The following HSD17B12 variants were observed in gnomAD, a reference collection of about 807,000 sequenced individuals.
HSD17B12 encodes hydroxysteroid 17-beta dehydrogenase 12, also known as very-long-chain 3-oxoacyl-CoA reductase.
Under a neutral mutation model 39.3 loss-of-function variants are expected in HSD17B12, and 32 were observed. The observed-to-expected ratio is 0.81, with a 90% CI of 0.61 to 1.09. The LOEUF (loss-of-function observed/expected upper bound fraction) is 1.09. Ranked by LOEUF, HSD17B12 falls within the 50% of genes least tolerant of loss-of-function variation. The pLI is 0.00. For missense variants in HSD17B12, 342 were observed against 382.9 expected, an observed-to-expected ratio of 0.89 and a Z score of 0.89; for synonymous variants, 150 against 146.7, an observed-to-expected ratio of 1.02 and a Z score of -0.16.
the HSD17B12 span, among the ~76,000 whole-genome samples, chr11:43,568,012 A>G: frequency 6.6e-6 from 1 of 152,216 alleles, no homozygotes; most frequent in Non-Finnish European, 1.5e-5. Flanking sequence ...ATCACCTAAT[A>G]TAAAGAGGCT....
At chr11:43,825,522 C>T (rs1194645659) in intron 6 of HSD17B12, among the ~76,000 whole-genome samples, 1 of 152,138 alleles carries the variant, frequency 6.6e-6, no homozygotes, top group Non-Finnish European at 1.5e-5. Flanking sequence ...AGAATGCATC[C>T]GGGCACCCTG....
intron 3 of HSD17B12, among the ~76,000 whole-genome samples, chr11:43,793,629 C>A (rs1950889530): frequency 6.6e-6 from 1 of 152,154 alleles, no homozygotes; most frequent in South Asian, 2.1e-4. Flanking sequence ...ATATTTATCA[C>A]CTTTCTTGGC....
At chr11:43,675,265 T>C in the HSD17B12 span, among the ~76,000 whole-genome samples, 1 of 152,172 alleles carries the variant, frequency 6.6e-6, no homozygotes, top group Non-Finnish European at 1.5e-5. Flanking sequence ...GATAAAGCTA[T>C]TTGGGAAAGT....
In HSD17B12 at chr11:43,815,506, GTC is replaced by G. The variant is rs1245307743; in HGVS notation, c.456+7_456+8del. ...GATGTTCCTGACTTGGACAATGTAA[GTC>G]TTTCTTTGTGTATTATGGTAACAAA... On this transcript the variant is annotated splice_donor_region_variant and intron_variant, in intron 5 of 10. Coordinates refer to ENST00000278353, the MANE Select transcript of HSD17B12 (RefSeq NM_016142.3). 10 of 1,537,240 alleles carry G rather than the reference GTC, an allele frequency of 6.5e-6. No homozygotes were observed. Among genetic ancestry groups the G allele is most frequent in the Non-Finnish European group, 8.9e-6 (10 of 1,121,348 alleles).
At chr11:43,771,129 A>G (rs1950645125) in intron 3 of HSD17B12, among the ~76,000 whole-genome samples, 1 of 152,194 alleles carries the variant, frequency 6.6e-6, no homozygotes, top group Admixed American at 6.5e-5. Flanking sequence ...AATTTCTAAC[A>G]TTATCATTTA....
chr11:43,742,281 G>A (rs1465158428), intron 1 of HSD17B12, among the ~76,000 whole-genome samples: 1 of 151,484 alleles, frequency 6.6e-6, no homozygotes, highest in African/African-American at 2.4e-5. Flanking sequence ...GGGACTATAG[G>A]TGTGTGCTAC....
the HSD17B12 span, among the ~76,000 whole-genome samples, chr11:43,611,900 A>G: frequency 6.6e-6 from 1 of 152,216 alleles, no homozygotes; most frequent in Non-Finnish European, 1.5e-5. Flanking sequence ...GAGCTGGTAC[A>G]TCATTGTATA....
At chr11:43,813,838 GT>G (rs980643903) in intron 4 of HSD17B12, among the ~76,000 whole-genome samples, 2 of 152,142 alleles carry the variant, frequency 1.3e-5, no homozygotes, top group Non-Finnish European at 2.9e-5. Flanking sequence ...ATTAAATAAA[GT>G]TTGCTTTGTC....
intron 1 of HSD17B12, among the ~76,000 whole-genome samples, chr11:43,726,832 A>G (rs1345131318): frequency 6.6e-6 from 1 of 152,218 alleles, no homozygotes; most frequent in Admixed American, 6.5e-5. Flanking sequence ...TTGTCAAAAT[A>G]CAAGTATGGT....
intron 4 of HSD17B12, chr11:43,806,101 C>G (rs1951015740): frequency 6.6e-6 from 1 of 152,200 alleles, no homozygotes; most frequent in Non-Finnish European, 1.5e-5. Context: ...CAGGCGCATC[C>G]TTGTGTTCAT....
chr11:43,840,002 T>C lies in HSD17B12; in HGVS notation c.622T>C (p.Phe208Leu). The C allele has an allele frequency of 2.5e-6, 4 of 1,612,072 alleles. No individual in the cohort carries two copies. The highest frequency in any genetic ancestry group is 3.4e-6 in the Non-Finnish European group (4 of 1,178,662). ...CTCACTCCCACTCCCCTCCCAGACT[T>C]TTGTAGATTTCTTCTCTCAGTGCCT... Reference protein sequence around the residue: ...LLTIYSATKTFVDFFSQCLHE... With the variant: ...LLTIYSATKTLVDFFSQCLHE... The change falls in exon 9 of 11, where the codon TTT becomes CTT. Residue 208 changes from phenylalanine (F) to leucine (L), a missense_variant. Coordinates refer to ENST00000278353, the MANE Select transcript of HSD17B12 (RefSeq NM_016142.3).
At chr11:43,747,914 T>C (rs1950426931) in intron 1 of HSD17B12, among the ~76,000 whole-genome samples, 1 of 152,186 alleles carries the variant, frequency 6.6e-6, no homozygotes, top group Non-Finnish European at 1.5e-5. Context: ...ACCTGTCTCA[T>C]TCCTTCATTG....
chr11:43,586,109 T>C, the HSD17B12 span, among the ~76,000 whole-genome samples: 2 of 152,178 alleles, frequency 1.3e-5, no homozygotes, highest in African/African-American at 4.8e-5. Context: ...TATTTTTTTT[T>C]CCACTAAGCA....
At chr11:43,706,721 T>TGTGTGTG (rs368772116) in intron 1 of HSD17B12, among the ~76,000 whole-genome samples, 2 of 139,114 alleles carry the variant, frequency 1.4e-5, no homozygotes, top group Non-Finnish European at 3.2e-5. Context: ...TGTGTGTGTG[T>TGTGTGTG]TGTGGGGGGT....
At chr11:43,646,787 A>T in the HSD17B12 span, among the ~76,000 whole-genome samples, 5 of 151,946 alleles carry the variant, frequency 3.3e-5, no homozygotes, top group Admixed American at 3.3e-4. Flanking sequence ...TTTATTTGGT[A>T]CTCTGTTTCC....
chr11:43,836,772 T>G (rs1009655451), intron 7 of HSD17B12, among the ~76,000 whole-genome samples: 4 of 152,160 alleles, frequency 2.6e-5, no homozygotes, highest in African/African-American at 4.8e-5. Context: ...GGACTAGATA[T>G]TCATTGCTAA....
intron 4 of HSD17B12, among the ~76,000 whole-genome samples, chr11:43,799,396 C>T (rs950140760): frequency 1.3e-5 from 2 of 151,946 alleles, no homozygotes; most frequent in South Asian, 4.2e-4. Context: ...AAGTCTTATA[C>T]CCCTTTTGTT....
At position 43,695,674 on chromosome 11, in the gene HSD17B12, T is replaced by G. The variant is rs1055956407; in HGVS notation, c.160+14687T>G. 2.0e-5 allele frequency among the ~76,000 whole-genome samples: 3 copies of G among 148,960 alleles called. No individual in the cohort carries two copies. The East Asian group carries it at 5.9e-4, about 29-fold the overall frequency. On this transcript the variant is annotated intron_variant, in intron 1 of 10. Transcript: ENST00000278353. ...ACTGAAGAGGATGTTCTAATTAGTCTTCTTCTTCTTCTTCTTCTTTTTAAG... is the reference window on the plus strand; with the variant it reads ...ACTGAAGAGGATGTTCTAATTAGTCGTCTTCTTCTTCTTCTTCTTTTTAAG...
chr11:43,603,678 C>T, the HSD17B12 span, among the ~76,000 whole-genome samples: 1 of 151,932 alleles, frequency 6.6e-6, no homozygotes, highest in Non-Finnish European at 1.5e-5. Context: ...AAAATAAAAC[C>T]TTCTTTTGTT....
Sources: allele counts gnomAD v4.1 joint callset (sites outside exome capture counted in the v4.1 genomes callset), GRCh38; gene constraint gnomAD v4.1.1; transcripts MANE v1.5; gene names NCBI Gene and HGNC (gene_info 2026-07-23, HGNC 2026-07-21).